TMEM131L: variants seen among roughly 807,000 people sequenced by gnomAD.
TMEM131L encodes transmembrane protein 131-like.
A neutral mutation model predicts 192.2 loss-of-function variants in TMEM131L; 54 were observed. The ratio of observed to expected loss-of-function variants is 0.28; its 90% confidence interval spans 0.23 to 0.35. The LOEUF (loss-of-function observed/expected upper bound fraction) is 0.35. Among genes scored for constraint, TMEM131L ranks in the 10% least tolerant of loss-of-function variants. TMEM131L has a pLI of 1.00. For missense variants in TMEM131L, 1,888 were observed against 1,972.9 expected (o/e 0.96, Z 0.82); for synonymous variants, 701 against 704.9 (o/e 0.99, Z 0.09).
intron 7 of TMEM131L, chr4:153,558,805 C>T (rs1177536454): frequency 6.5e-6 from 1 of 152,724 alleles, no homozygotes. Context: ...AATAACAGGC[C>T]CCTAAGGATG....
At chr4:153,471,522 C>T (rs1731160022) in intron 2 of TMEM131L, among the ~76,000 whole-genome samples, 1 of 152,154 alleles carries the variant, frequency 6.6e-6, no homozygotes, top group Non-Finnish European at 1.5e-5. Flanking sequence ...GGTGGAATGC[C>T]TTAAATGGTT....
At chr4:153,633,087 G>A (rs988555928) in intron 32 of TMEM131L, 4 of 333,674 alleles carry the variant, frequency 1.2e-5, no homozygotes, top group African/African-American at 8.6e-5. Context: ...CTTTAAAAAA[G>A]ACGATTTTTT....
At chr4:153,619,875 G>T (rs866685901) in intron 26 of TMEM131L, among the ~76,000 whole-genome samples, 5 of 152,140 alleles carry the variant, frequency 3.3e-5, no homozygotes, top group African/African-American at 1.2e-4. Context: ...TAGGGAATTT[G>T]CCTCTGTGAG....
intron 3 of TMEM131L, among the ~76,000 whole-genome samples, chr4:153,536,371 G>T (rs1222335509): frequency 6.6e-6 from 1 of 152,232 alleles, no homozygotes; most frequent in Non-Finnish European, 1.5e-5. Context: ...CTTCATGTAT[G>T]ATTTGCATAT....
chr4:153,488,227 T>G (rs1282395248), intron 3 of TMEM131L, among the ~76,000 whole-genome samples: 1 of 152,012 alleles, frequency 6.6e-6, no homozygotes, highest in African/African-American at 2.4e-5. Context: ...GGTGCGTGAG[T>G]GCACCAGTGT....
At chr4:153,590,795 A>G (rs1375061124) in intron 16 of TMEM131L, among the ~76,000 whole-genome samples, 1 of 151,894 alleles carries the variant, frequency 6.6e-6, no homozygotes, top group Non-Finnish European at 1.5e-5. Context: ...GGCTGGTAGG[A>G]GCCCTTCGGC....
At chr4:153,566,137 CTT>C (rs774119161) in intron 7 of TMEM131L, among the ~76,000 whole-genome samples, 22 of 142,648 alleles carry the variant, frequency 1.5e-4, no homozygotes, top group Non-Finnish European at 1.7e-4. Context: ...ATGTGGGAAA[CTT>C]TTTTTTTTTT....
At chr4:153,482,323 A>AT (rs33923845) in intron 3 of TMEM131L, among the ~76,000 whole-genome samples, 44,505 of 151,888 alleles carry the variant, frequency 0.29, 6,644 homozygotes, top group South Asian at 0.4. Flanking sequence ...ATGTAAAGTA[A>AT]TTTTTTTGAC....
intron 6 of TMEM131L, among the ~76,000 whole-genome samples, chr4:153,557,752 T>C (rs1728571589): frequency 6.6e-6 from 1 of 152,230 alleles, no homozygotes; most frequent in Admixed American, 6.5e-5. Context: ...ACAGATTTGC[T>C]ACAGTGAGGA....
rs1262657812 is a variant in TMEM131L, at chr4:153,621,663, TG to T, written c.3693-19del. On this transcript the variant is annotated intron_variant, in intron 27 of 34. Coordinates refer to ENST00000409959, the MANE Select transcript of TMEM131L (RefSeq NM_001131007.2). ...GATAAAATACAGATGTGTTTTTTTGTGTGTGTGTGTCTTTTCCAGGCCTCCT... is the reference window on the plus strand; with the variant it reads ...GATAAAATACAGATGTGTTTTTTTGTTGTGTGTGTCTTTTCCAGGCCTCCT... The T allele has an allele frequency of 9.3e-6, 15 of 1,609,650 alleles. No individual in the cohort carries two copies. The African/African-American group carries it at 2.0e-4, about 22-fold the overall frequency.
intron 3 of TMEM131L, among the ~76,000 whole-genome samples, chr4:153,474,263 T>TAAA (rs1731369846): frequency 6.6e-6 from 1 of 152,204 alleles, no homozygotes; most frequent in South Asian, 2.1e-4. Flanking sequence ...TTACTGTAAG[T>TAAA]AAAATAATTA....
At chr4:153,485,813 C>T (rs995201505) in intron 3 of TMEM131L, among the ~76,000 whole-genome samples, 1 of 152,066 alleles carries the variant, frequency 6.6e-6, no homozygotes, top group Non-Finnish European at 1.5e-5. Flanking sequence ...AAGTAATTGC[C>T]CTTGTGTAAA....
chr4:153,471,772 C>A (rs1413171012), intron 2 of TMEM131L, among the ~76,000 whole-genome samples: 1 of 152,126 alleles, frequency 6.6e-6, no homozygotes, highest in South Asian at 2.1e-4. Flanking sequence ...GCTCCACTGC[C>A]GTTACTTGTT....
intron 31 of TMEM131L, among the ~76,000 whole-genome samples, chr4:153,631,239 G>T (rs970733570): frequency 1.3e-5 from 2 of 152,242 alleles, no homozygotes; most frequent in African/African-American, 4.8e-5. Flanking sequence ...ATTTAAGGGA[G>T]CCCTTGGGAA....
intron 26 of TMEM131L, among the ~76,000 whole-genome samples, chr4:153,614,268 TG>T (rs1376846703): frequency 6.6e-6 from 1 of 152,182 alleles, no homozygotes; most frequent in East Asian, 1.9e-4. Flanking sequence ...GAATGCTGAT[TG>T]AAAGTTCAGA....
At chr4:153,563,366 A>C (rs1728968127) in intron 7 of TMEM131L, among the ~76,000 whole-genome samples, 1 of 152,128 alleles carries the variant, frequency 6.6e-6, no homozygotes, top group African/African-American at 2.4e-5. Context: ...TTGCCAGAAT[A>C]ATCTCAGAAG....
chr4:153,615,216 T>A (rs1485153587), intron 26 of TMEM131L, among the ~76,000 whole-genome samples: 1 of 152,228 alleles, frequency 6.6e-6, no homozygotes, highest in Non-Finnish European at 1.5e-5. Context: ...ATGGGCTAAT[T>A]GAGAATTACC....
intron 7 of TMEM131L, among the ~76,000 whole-genome samples, chr4:153,560,753 A>G (rs1218562068): frequency 6.6e-6 from 1 of 152,238 alleles, no homozygotes; most frequent in Non-Finnish European, 1.5e-5. Context: ...TGCAAATAAT[A>G]CACATTGTAG....
intron 20 of TMEM131L, among the ~76,000 whole-genome samples, chr4:153,598,332 AG>A (rs533758839): frequency 6.6e-6 from 1 of 152,010 alleles, no homozygotes; most frequent in South Asian, 2.1e-4. Context: ...TGTGGTTGGA[AG>A]GGGGTCATCA....
Sources: allele counts gnomAD v4.1 joint callset (sites outside exome capture counted in the v4.1 genomes callset), GRCh38; gene constraint gnomAD v4.1.1; transcripts MANE v1.5; gene names NCBI Gene and HGNC (gene_info 2026-07-23, HGNC 2026-07-21).